Variants in PDXK observed in about 807,000 individuals in gnomAD.
The protein encoded by PDXK is pyridoxal kinase.
In PDXK, 15 loss-of-function variants were observed where a neutral mutation model predicts 43.2. The observed-to-expected ratio is 0.35, with a 90% CI of 0.23 to 0.53. The LOEUF is 0.53. Ranked by LOEUF, PDXK falls within the 20% of genes least tolerant of loss-of-function variation. The pLI is 0.92. For synonymous variants in PDXK, 172 were observed against 165.4 expected (o/e 1.04, Z -0.31); for missense variants, 343 against 417.0 (o/e 0.82, Z 1.54).
chr21:43,724,942 T>TAAA (rs1568971882), intron 1 of PDXK, among the ~76,000 whole-genome samples: 4 of 150,252 alleles, frequency 2.7e-5, no homozygotes, highest in African/African-American at 9.7e-5. Context: ...ACCCTGTTTT[T>TAAA]AAAAAAAAAA....
rs1191966346 is a variant in PDXK at position 43,719,242 on chromosome 21, C to A, written c.-53C>A. 3.8e-6 allele frequency: 4 copies of A among 1,060,842 alleles called. No homozygotes were observed. The highest frequency in any genetic ancestry group is 4.9e-6 in the Non-Finnish European group (4 of 808,558). 65.7% of individuals were successfully genotyped at this position (1,060,842 alleles called of 1,614,324 possible). Reference sequence around the variant, plus strand: ...CGAGCCGAGCCGGAGCCCGAGCGAGCGGCGGAGACCGTGCCCCCGCCTCGG... The same window carrying A: ...CGAGCCGAGCCGGAGCCCGAGCGAGAGGCGGAGACCGTGCCCCCGCCTCGG... On this transcript the variant is annotated 5_prime_UTR_variant, in exon 1 of 11. Coordinates refer to ENST00000291565, the MANE Select transcript of PDXK (RefSeq NM_003681.5).
chr21:43,752,628 G>C lies in PDXK; in HGVS notation c.621G>C (p.Arg207Ser), dbSNP rs955596821. ...TGATTGTGCTGGGGAGTCAGAGGAGGAGTAAGTGCCCCCATCGTGCACCGT... is the reference window on the plus strand; with the variant it reads ...TGATTGTGCTGGGGAGTCAGAGGAGCAGTAAGTGCCCCCATCGTGCACCGT... Reference protein sequence around the residue: ...NYLIVLGSQRRRNPAGSVVME... With the variant: ...NYLIVLGSQRSRNPAGSVVME... Residue 207 changes from arginine to serine, a missense_variant and splice_region_variant, in exon 8 of 11, where the codon AGG becomes AGC. Arg to Ser is a moderately radical substitution (Grantham distance 110). Coordinates refer to ENST00000291565, the MANE Select transcript of PDXK (RefSeq NM_003681.5). 2 of 1,587,268 alleles carry C rather than the reference G, an allele frequency of 1.3e-6. No individual in the cohort carries two copies. Among genetic ancestry groups the C allele is most frequent in the Non-Finnish European group, 1.7e-6 (2 of 1,156,334 alleles).
At chr21:43,728,113 C>A (rs963976930) in intron 1 of PDXK, among the ~76,000 whole-genome samples, 1 of 152,154 alleles carries the variant, frequency 6.6e-6, no homozygotes, top group African/African-American at 2.4e-5. Flanking sequence ...GACCCTGGAG[C>A]TGTGAAGGCT....
chr21:43,749,595 G>A (rs1452656905), intron 6 of PDXK, among the ~76,000 whole-genome samples: 1 of 149,682 alleles, frequency 6.7e-6, no homozygotes, highest in Admixed American at 6.6e-5. Context: ...GCCTGGGTTG[G>A]AGAAGCCCCT....
chr21:43,751,819 C>T (rs1292565385), intron 7 of PDXK, among the ~76,000 whole-genome samples: 4 of 152,218 alleles, frequency 2.6e-5, no homozygotes, highest in African/African-American at 9.6e-5. Context: ...AATATTGCCA[C>T]ATGGGTGCCA....
intron 6 of PDXK, 27 bp from the exon 7 acceptor site, chr21:43,750,473 A>ACCCGCCTGTC: frequency 3.2e-6 from 5 of 1,585,084 alleles, no homozygotes; most frequent in Non-Finnish European, 4.3e-6. Flanking sequence ...ACCTGTCCCC[A>ACCCGCCTGTC]CCCGCCTGTC....
chr21:43,753,239 GACACACATGCATACACGTGGGCACACGC>G (rs1255670104), intron 8 of PDXK, among the ~76,000 whole-genome samples: 5 of 152,008 alleles, frequency 3.3e-5, no homozygotes, highest in Non-Finnish European at 7.4e-5. Context: ...CATACACACG[GACACACATGCATACACGTGGGCACACGC>G]ACACACATGC....
chr21:43,735,957 C>T lies in PDXK; in HGVS notation c.142+1834C>T, dbSNP rs767619047. 2.0e-5 allele frequency among the ~76,000 whole-genome samples: 3 copies of T among 152,146 alleles called. No individual in the cohort carries two copies. The highest frequency in any genetic ancestry group is 4.4e-5 in the Non-Finnish European group (3 of 68,016). On this transcript the variant is annotated intron_variant, in intron 2 of 10. Transcript: ENST00000291565. The surrounding 1 kb of genome is among the most constrained non-coding windows in gnomAD (Gnocchi z 5.3). ...CATCGTGTACCTGCCCTGGGTGCCA[C>T]GGGAGCTGGTGGTCAAGACGGGGGA...
chr21:43,754,031 G>T lies in PDXK; in HGVS notation c.759+312G>T, dbSNP rs775539867. 1.3e-5 allele frequency among the ~76,000 whole-genome samples: 2 copies of T among 152,368 alleles called. No homozygotes were observed. The highest frequency in any genetic ancestry group is 2.1e-4 in the South Asian group (1 of 4,828). On this transcript the variant is annotated intron_variant, in intron 9 of 10. Coordinates refer to ENST00000291565, the MANE Select transcript of PDXK (RefSeq NM_003681.5). The surrounding 1 kb of genome is among the most constrained non-coding windows in gnomAD (Gnocchi z 5.5). ...CAGATGCCACCCGCTTGGCGTTGGC[G>T]CAGGGCTGTGGGATGCATGGAGCTG...
chr21:43,750,787 T>TGG (rs769283996), intron 7 of PDXK, among the ~76,000 whole-genome samples: 35,317 of 146,702 alleles, frequency 0.24, 4,406 homozygotes, highest in Non-Finnish European at 0.27. Context: ...TGTGTGGGTG[T>TGG]GTGTGTGGAT....
Position 43,737,077 on chromosome 21 carries a change from T to C in PDXK, c.142+2954T>C. On this transcript the variant is annotated intron_variant, in intron 2 of 10. Coordinates refer to ENST00000291565, the MANE Select transcript of PDXK (RefSeq NM_003681.5). This position sits in a 1 kb window ranked among gnomAD's most constrained non-coding sequence, Gnocchi z 4.8. ...CCTCCCGAGTGGCTGGGACTATAGT[T>C]GTGCACCAGCACGCCCACCTCCTGC... 2 of 790,328 alleles carry C rather than the reference T, an allele frequency of 2.5e-6. No homozygotes were observed. Among genetic ancestry groups the C allele is most frequent in the East Asian group, 2.7e-5 (1 of 37,608 alleles). The allele number at this position is 790,328 out of a possible 1,614,324, so 49.0% of individuals were successfully genotyped here. A position where few individuals can be genotyped will look rare whatever the true frequency, so the allele number is the denominator to read the frequency against.
intron 2 of PDXK, among the ~76,000 whole-genome samples, chr21:43,739,962 C>T (rs1012693237): frequency 1.9e-4 from 29 of 151,962 alleles, no homozygotes; most frequent in African/African-American, 6.0e-4. Flanking sequence ...GAGGGGCAGG[C>T]TGCTGTGTGA....
At chr21:43,729,999 G>A (rs1374274770) in intron 1 of PDXK, among the ~76,000 whole-genome samples, 1 of 152,178 alleles carries the variant, frequency 6.6e-6, no homozygotes, top group South Asian at 2.1e-4. Flanking sequence ...ATGGTAGCAC[G>A]GCGGCCTAAT....
rs2147225325 is a variant in PDXK at position 43,732,273 on chromosome 21, A to G, written c.88-1796A>G. 3 of 1,536,358 alleles carry G rather than the reference A, an allele frequency of 2.0e-6. No homozygotes were observed. The East Asian group carries it at 7.0e-5, about 36-fold the overall frequency. On this transcript the variant is annotated intron_variant, in intron 1 of 10. Coordinates refer to ENST00000291565, the MANE Select transcript of PDXK (RefSeq NM_003681.5). This position sits in a 1 kb window ranked among gnomAD's most constrained non-coding sequence, Gnocchi z 4.1. ...GCTGAAGGACATGTGTAACAGCAGGAGATACCTTTCTCTGGGGTCCCAGGC... is the reference window on the plus strand; with the variant it reads ...GCTGAAGGACATGTGTAACAGCAGGGGATACCTTTCTCTGGGGTCCCAGGC...
chr21:43,735,161 G>A lies in PDXK; in HGVS notation c.142+1038G>A, dbSNP rs779263389. On this transcript the variant is annotated intron_variant, in intron 2 of 10. Coordinates refer to ENST00000291565, the MANE Select transcript of PDXK (RefSeq NM_003681.5). The surrounding 1 kb of genome is among the most constrained non-coding windows in gnomAD (Gnocchi z 5.3). ...CCTTTGCTTGCGGGGCACACTGGGT[G>A]CTGTGAGATTTGGAGACGTCCCCGA... 1.3e-5 allele frequency among the ~76,000 whole-genome samples: 2 copies of A among 152,234 alleles called. No homozygotes were observed. The highest frequency in any genetic ancestry group is 2.9e-5 in the Non-Finnish European group (2 of 68,038).
intron 2 of PDXK, chr21:43,740,984 A>G: frequency 6.9e-6 from 1 of 145,164 alleles, no homozygotes; most frequent in African/African-American, 2.5e-5. Context: ...CGTTGTGCGG[A>G]GGGAGTAGCC....
At chr21:43,752,947 G>A (rs2147313838) in intron 8 of PDXK, among the ~76,000 whole-genome samples, 1 of 152,298 alleles carries the variant, frequency 6.6e-6, no homozygotes, top group Non-Finnish European at 1.5e-5. Context: ...GACACCACCT[G>A]GTTGATTTTC....
intron 2 of PDXK, among the ~76,000 whole-genome samples, chr21:43,740,089 T>TG (rs2083468777): frequency 6.6e-6 from 1 of 152,056 alleles, no homozygotes. Context: ...GCGTACACTC[T>TG]GGTGTCCCGG....
At position 43,734,370 on chromosome 21, in the gene PDXK, C is replaced by G. The variant is rs368090621; in HGVS notation, c.142+247C>G. On this transcript the variant is annotated intron_variant, in intron 2 of 10. Transcript: ENST00000291565. The surrounding 1 kb of genome is among the most constrained non-coding windows in gnomAD (Gnocchi z 5.0). The stretch of plus-strand genomic sequence containing the variant: ...CTTGGCTGCTTTGAGGCTGTGTGAC[C>G]CAGTGCAGGTGGCAGAACCTCTCGG... Among the ~76,000 whole-genome samples the G allele has an allele frequency of 9.9e-5, 15 of 151,954 alleles. No individual in the cohort carries two copies. Among genetic ancestry groups the G allele is most frequent in the East Asian group, 9.7e-4 (5 of 5,150 alleles).
Sources: allele counts gnomAD v4.1 joint callset (sites outside exome capture counted in the v4.1 genomes callset), GRCh38; gene constraint gnomAD v4.1.1; non-coding constraint Gnocchi (gnomAD v3.1); transcripts MANE v1.5; gene names NCBI Gene and HGNC (gene_info 2026-07-23, HGNC 2026-07-21).